TARBP1: variants seen among roughly 807,000 people sequenced by gnomAD.
TARBP1 encodes the protein tRNA (guanosine(18)-2'-O)-methyltransferase TARBP1.
In TARBP1, 144 loss-of-function variants were observed where a neutral mutation model predicts 178.6. The ratio of observed to expected loss-of-function variants is 0.81; its 90% CI spans 0.70 to 0.93. The LOEUF (loss-of-function observed/expected upper bound fraction) is 0.93, where lower values mean the gene tolerates loss of function less well. Among genes scored for constraint, TARBP1 ranks in the 40% least tolerant of loss-of-function variants. The pLI is 0.00. For synonymous variants in TARBP1, 787 were observed against 781.0 expected, an observed-to-expected ratio of 1.01 and a Z score of -0.13; for missense variants, 2,067 against 2,011.7, an observed-to-expected ratio of 1.03 and a Z score of -0.53.
At chr1:234,410,800 C>T (rs1572238226) in intron 22 of TARBP1, among the ~76,000 whole-genome samples, 1 of 152,248 alleles carries the variant, frequency 6.6e-6, no homozygotes, top group East Asian at 1.9e-4. Flanking sequence ...CAGCGGGGCA[C>T]AGTGGCTCAC....
At chr1:234,472,415 A>G (rs1669158348) in intron 2 of TARBP1, among the ~76,000 whole-genome samples, 1 of 150,400 alleles carries the variant, frequency 6.6e-6, no homozygotes, top group Admixed American at 6.6e-5. Context: ...AGGACAGGGC[A>G]TGGCAATTTA....
intron 23 of TARBP1, 147 bp from the exon 24 acceptor site, chr1:234,406,246 C>T (rs975325945): frequency 2.9e-6 from 2 of 680,028 alleles, no homozygotes; most frequent in South Asian, 2.0e-5. Flanking sequence ...TCTCATTCTT[C>T]CCTCCTGGTC....
chr1:234,478,770 CGGCCAGGCGGACGCACGAGCGCAG>C lies in TARBP1; in HGVS notation c.310_333del (p.Leu104_Ala111del). On this transcript the variant is annotated inframe_deletion, in exon 1 of 30. Transcript: ENST00000040877. ...AGCGCGGCCGCCAGCTGCGGACGCC[CGGCCAGGCGGACGCACGAGCGCAG>C]GGCCGCGCCCGCCGCCCTCAGCACG... 1 of 1,123,684 alleles carries C rather than the reference CGGCCAGGCGGACGCACGAGCGCAG, an allele frequency of 8.9e-7. No homozygotes were observed. The highest frequency in any genetic ancestry group is 5.0e-5 in the East Asian group (1 of 19,976). The allele number at this position is 1,123,684 out of a possible 1,614,324, so 69.6% of individuals were successfully genotyped here.
Position 234,467,536 on chromosome 1 carries a change from GT to G in TARBP1, c.1213del (p.Thr405GlnfsTer18). 6.2e-7 allele frequency: 1 copy of G among 1,601,814 alleles called. No individual in the cohort carries two copies. Among genetic ancestry groups the G allele is most frequent in the South Asian group, 1.1e-5 (1 of 88,254 alleles). On this transcript the variant is annotated frameshift_variant, in exon 4 of 30. Coordinates refer to ENST00000040877, the MANE Select transcript of TARBP1 (RefSeq NM_005646.4). LOFTEE classifies it high-confidence loss of function. ...GVIHFLELYE[T>X]KILPFSPEFS... ...TTCTGGTGAAAATGGAAGAATCTTT[GT>G]TTCATACAGCTCCAAAAAATGGATA...
At position 234,469,077 on chromosome 1, in the gene TARBP1, T is replaced by TAAAAAAAAAAAA. The variant is rs1327979551; in HGVS notation, c.1100-1439_1100-1428dup. ...GTTTTTGCCTTTTTTTTTTTTTTTT[T>TAAAAAAAAAAAA]AAAAAAAAAAAAAAGGCAAAAACCG... On this transcript the variant is annotated intron_variant, in intron 3 of 29. Coordinates refer to ENST00000040877, the MANE Select transcript of TARBP1 (RefSeq NM_005646.4). Among the ~76,000 whole-genome samples the TAAAAAAAAAAAA allele has an allele frequency of 3.1e-3, 197 of 63,776 alleles. 6 individuals are homozygous for TAAAAAAAAAAAA. Among genetic ancestry groups the TAAAAAAAAAAAA allele is most frequent in the East Asian group, 0.021 (48 of 2,290 alleles). 41.8% of individuals were successfully genotyped at this position (63,776 alleles called of 152,430 possible).
intron 24 of TARBP1, among the ~76,000 whole-genome samples, chr1:234,402,257 A>T (rs1660747460): frequency 6.6e-6 from 1 of 152,220 alleles, no homozygotes; most frequent in Non-Finnish European, 1.5e-5. Flanking sequence ...TTTTCATTCG[A>T]TGCCTTTCTG....
At chr1:234,469,093 G>GAAAAAAAAAAAAAAAAAAAAAA (rs1668791000) in intron 3 of TARBP1, among the ~76,000 whole-genome samples, 1 of 98,220 alleles carries the variant, frequency 1.0e-5, no homozygotes, top group East Asian at 3.0e-4. Context: ...AAAAAAAAAG[G>GAAAAAAAAAAAAAAAAAAAAAA]CAAAAACCGC....
chr1:234,466,339 CTG>C (rs1204993307), intron 4 of TARBP1, among the ~76,000 whole-genome samples: 1 of 151,882 alleles, frequency 6.6e-6, no homozygotes, highest in Admixed American at 6.6e-5. Context: ...TGGCAAAACC[CTG>C]TCTCTACTAA....
chr1:234,418,978 C>G (rs755240439), intron 21 of TARBP1, among the ~76,000 whole-genome samples: 8 of 152,088 alleles, frequency 5.3e-5, no homozygotes, highest in Non-Finnish European at 1.2e-4. Flanking sequence ...CGAGACCATC[C>G]TGGCTAACAC....
chr1:234,462,456 C>T (rs915584611), intron 6 of TARBP1, among the ~76,000 whole-genome samples: 7 of 152,000 alleles, frequency 4.6e-5, no homozygotes, highest in African/African-American at 1.2e-4. Flanking sequence ...TTTGGGAGGC[C>T]GAGGTGGGCA....
At chr1:234,420,629 G>T in intron 21 of TARBP1, 73 bp downstream of exon 21, 3 of 924,050 alleles carry the variant, frequency 3.2e-6, no homozygotes, top group Non-Finnish European at 4.9e-6. Flanking sequence ...AATAGTATAT[G>T]ATAGTTTCTG....
chr1:234,431,234 A>G (rs773988972), intron 14 of TARBP1, among the ~76,000 whole-genome samples: 4 of 152,344 alleles, frequency 2.6e-5, no homozygotes, highest in Middle Eastern at 6.8e-3. Flanking sequence ...CTCTACAGAA[A>G]AATTTTACAT....
At chr1:234,414,817 C>G (rs573506708) in intron 22 of TARBP1, among the ~76,000 whole-genome samples, 2 of 152,190 alleles carry the variant, frequency 1.3e-5, no homozygotes, top group South Asian at 4.1e-4. Context: ...AAACCCATCT[C>G]TACTAAAAAT....
At chr1:234,458,909 T>A (rs185858622) in intron 8 of TARBP1, among the ~76,000 whole-genome samples, 2 of 152,278 alleles carry the variant, frequency 1.3e-5, no homozygotes, top group East Asian at 3.9e-4. Flanking sequence ...AGGCACCTTT[T>A]GCCTCATACA....
intron 19 of TARBP1, among the ~76,000 whole-genome samples, chr1:234,426,140 C>G (rs1663733656): frequency 6.6e-6 from 1 of 152,174 alleles, no homozygotes; most frequent in South Asian, 2.1e-4. Flanking sequence ...CCACAGATAC[C>G]TCCATTCACT....
In TARBP1 at chr1:234,416,910, G is replaced by C. The variant is rs1662490308; in HGVS notation, c.3705+1174C>G. 2.0e-5 allele frequency among the ~76,000 whole-genome samples: 3 copies of C among 152,216 alleles called. No individual in the cohort carries two copies. The South Asian group carries it at 6.2e-4, about 32-fold the overall frequency. On this transcript the variant is annotated intron_variant, in intron 22 of 29. Coordinates refer to ENST00000040877, the MANE Select transcript of TARBP1 (RefSeq NM_005646.4). Reference sequence around the variant, plus strand: ...GGCTTTACTATGCTAAGGAAGTGCAGAAAGAGAAGCAGACAGGCTAACCAG... The same window carrying C: ...GGCTTTACTATGCTAAGGAAGTGCACAAAGAGAAGCAGACAGGCTAACCAG...
intron 26 of TARBP1, among the ~76,000 whole-genome samples, chr1:234,394,061 ATAT>A (rs1659675387): frequency 2.0e-5 from 3 of 152,328 alleles, no homozygotes; most frequent in Admixed American, 6.5e-5. Flanking sequence ...ATTAACCAAC[ATAT>A]TATGATACTT....
At chr1:234,422,396 T>A (rs886222219) in intron 20 of TARBP1, among the ~76,000 whole-genome samples, 1 of 152,326 alleles carries the variant, frequency 6.6e-6, no homozygotes, top group Non-Finnish European at 1.5e-5. Context: ...GGAGTACTAT[T>A]TGGCCATAAA....
chr1:234,463,127 G>GT (rs61474990), intron 6 of TARBP1, among the ~76,000 whole-genome samples: 53,864 of 151,646 alleles, frequency 0.36, 9,954 homozygotes, highest in East Asian at 0.56. Flanking sequence ...GTGTTTTTTT[G>GT]TTTTTTTTGT....
Sources: gnomAD v4.1 joint callset for allele counts (sites outside exome capture counted in the v4.1 genomes callset) on GRCh38, gnomAD v4.1.1 for gene constraint, MANE v1.5 for transcripts, NCBI Gene and HGNC (gene_info 2026-07-23, HGNC 2026-07-21) for gene names.